The following SHTN1 variants were observed in gnomAD, a reference collection of about 807,000 sequenced individuals.
The protein encoded by SHTN1 is shootin-1.
Under a neutral mutation model 83.1 loss-of-function variants are expected in SHTN1, and 42 were observed. The observed-to-expected ratio is 0.51, with a 90% CI of 0.39 to 0.65. SHTN1 has a LOEUF of 0.65. SHTN1 is among the 30% of genes least tolerant of loss of function. The pLI is 0.00. For missense variants in SHTN1, 622 were observed against 737.8 expected (o/e 0.84, Z 1.82); for synonymous variants, 224 against 247.7 (o/e 0.90, Z 0.90).
At chr10:116,989,057 A>G (rs369045595) in intron 1 of SHTN1, among the ~76,000 whole-genome samples, 2 of 152,280 alleles carry the variant, frequency 1.3e-5, no homozygotes, top group South Asian at 4.1e-4. Flanking sequence ...AAATCCATAT[A>G]ATTATGTCAG....
At chr10:116,979,560 C>G (rs567461038) in intron 1 of SHTN1, among the ~76,000 whole-genome samples, 103 of 152,350 alleles carry the variant, frequency 6.8e-4, no homozygotes, top group African/African-American at 2.2e-3. Flanking sequence ...AGTGCGATTA[C>G]AGGCACGAGT....
intron 2 of SHTN1, chr10:116,973,723 A>C (rs1850697122): frequency 2.6e-6 from 1 of 390,190 alleles, no homozygotes; most frequent in African/African-American, 2.0e-5. Context: ...CGTACAGCAG[A>C]GCCTACAACG....
chr10:117,051,999 C>CATACATATATATATATAT (rs1852748412), intron 1 of SHTN1, among the ~76,000 whole-genome samples: 1 of 34,116 alleles, frequency 2.9e-5, no homozygotes. Context: ...ATGACATAAT[C>CATACATATATATATATAT]ATATATATAT....
upstream of SHTN1, among the ~76,000 whole-genome samples, chr10:117,006,355 A>G (rs1044783557): frequency 6.6e-6 from 1 of 151,722 alleles, no homozygotes; most frequent in African/African-American, 2.4e-5. Flanking sequence ...TCACGAGGTC[A>G]GGAGATCGAG....
chr10:117,118,398 C>T (rs1012514083), intron 1 of SHTN1, among the ~76,000 whole-genome samples: 2 of 142,658 alleles, frequency 1.4e-5, no homozygotes, highest in Non-Finnish European at 3.0e-5. Context: ...ACAGGCAATA[C>T]TGGATGCTGG....
At chr10:116,888,532 C>A (rs879255) in intron 16 of SHTN1, among the ~76,000 whole-genome samples, 37,593 of 152,036 alleles carry the variant, frequency 0.25, 5,195 homozygotes, top group East Asian at 0.41. Flanking sequence ...AGACTGGGGA[C>A]AAACTAGAGC....
chr10:116,900,562 A>G lies in SHTN1; in HGVS notation c.1673+1203T>C, dbSNP rs955880872. The G allele has an allele frequency of 1.4e-5, 21 of 1,534,644 alleles. No homozygotes were observed. The Admixed American group carries it at 1.6e-4, about 11-fold the overall frequency. On this transcript the variant is annotated intron_variant, in intron 16 of 16. Transcript: ENST00000355371. Reference sequence around the variant, plus strand: ...TTATCTGTGTAAAATGGTAAAGGAGAAAAATCTATACACACACACTGAAGC... The same window carrying G: ...TTATCTGTGTAAAATGGTAAAGGAGGAAAATCTATACACACACACTGAAGC...
rs548784731 is a variant in SHTN1 at position 116,975,647 on chromosome 10, T to TA, written c.111+3608dup. Among the ~76,000 whole-genome samples the TA allele has an allele frequency of 5.2e-3, 711 of 135,776 alleles. 3 individuals carry two copies. Among genetic ancestry groups the TA allele is most frequent in the South Asian group, 0.024 (105 of 4,366 alleles). The allele number at this position is 135,776 out of a possible 152,430, so 89.1% of individuals were successfully genotyped here. ...TTGACTCCATTCTCAAAGTCACTGA[T>TA]AAAAAAAAAAAACATAAAAGAGTCA... On this transcript the variant is annotated intron_variant, in intron 2 of 16. Coordinates refer to ENST00000355371, the MANE Select transcript of SHTN1 (RefSeq NM_001127211.3).
chr10:117,093,236 G>A (rs1853459180), intron 1 of SHTN1, among the ~76,000 whole-genome samples: 1 of 152,176 alleles, frequency 6.6e-6, no homozygotes, highest in African/African-American at 2.4e-5. Context: ...ATTGGAGGCA[G>A]CAGAGCCCAC....
intron 1 of SHTN1, among the ~76,000 whole-genome samples, chr10:117,049,905 A>G (rs1852716979): frequency 6.6e-6 from 1 of 152,212 alleles, no homozygotes; most frequent in African/African-American, 2.4e-5. Context: ...CTTATATTAG[A>G]AAATAGGAAA....
intron 16 of SHTN1, chr10:116,901,555 C>G: frequency 2.0e-6 from 2 of 985,312 alleles, no homozygotes; most frequent in Non-Finnish European, 2.4e-6. Flanking sequence ...GGAAGTAATT[C>G]TCTTTGTACA....
chr10:116,974,821 G>A (rs1306403171), intron 2 of SHTN1, among the ~76,000 whole-genome samples: 1 of 133,456 alleles, frequency 7.5e-6, no homozygotes, highest in Non-Finnish European at 1.5e-5. Flanking sequence ...GCTCAATGAC[G>A]CTTTCCCCCC....
intron 16 of SHTN1, among the ~76,000 whole-genome samples, chr10:116,895,392 T>C (rs1564862630): frequency 6.6e-6 from 1 of 152,228 alleles, no homozygotes. Flanking sequence ...TATTGGACAT[T>C]TGGCATGAAA....
chr10:117,125,909 C>G (rs1853997541), intron 1 of SHTN1, among the ~76,000 whole-genome samples: 1 of 152,206 alleles, frequency 6.6e-6, no homozygotes, highest in Admixed American at 6.5e-5. Context: ...GACTTTCTGG[C>G]CACCGATCTA....
chr10:117,063,879 C>A (rs1461344814), intron 1 of SHTN1, among the ~76,000 whole-genome samples: 2 of 152,120 alleles, frequency 1.3e-5, no homozygotes, highest in Non-Finnish European at 2.9e-5. Context: ...TTCTTGATAT[C>A]CCCAAATCCA....
chr10:116,908,995 A>G (rs1848084455), intron 14 of SHTN1, among the ~76,000 whole-genome samples: 1 of 152,220 alleles, frequency 6.6e-6, no homozygotes, highest in Non-Finnish European at 1.5e-5. Context: ...GAAATGATGA[A>G]GAGCTCAGCT....
At chr10:117,026,696 A>G (rs1242618506) in intron 2 of SHTN1, among the ~76,000 whole-genome samples, 1 of 152,234 alleles carries the variant, frequency 6.6e-6, no homozygotes, top group East Asian at 1.9e-4. Context: ...TGCTGGGATT[A>G]CAGGCATGAG....
chr10:116,990,489 T>C (rs1198959227), intron 1 of SHTN1, among the ~76,000 whole-genome samples: 3 of 152,262 alleles, frequency 2.0e-5, no homozygotes, highest in Non-Finnish European at 4.4e-5. Flanking sequence ...AAAACATGTT[T>C]GTCCAGCCAT....
chr10:117,108,421 G>A (rs560664038), intron 1 of SHTN1, among the ~76,000 whole-genome samples: 54 of 152,018 alleles, frequency 3.6e-4, no homozygotes, highest in African/African-American at 1.1e-3. Context: ...CATGGATGAA[G>A]CTGGAAACCA....
Sources: gnomAD v4.1 joint callset for allele counts (sites outside exome capture counted in the v4.1 genomes callset) on GRCh38, gnomAD v4.1.1 for gene constraint, MANE v1.5 for transcripts, NCBI Gene and HGNC (gene_info 2026-07-23, HGNC 2026-07-21) for gene names.